Variants in NRG1 observed in about 807,000 individuals in gnomAD.
NRG1 encodes neuregulin 1.
A neutral mutation model predicts 63.8 loss-of-function variants in NRG1; 18 were observed. That is an observed-to-expected ratio of 0.28 (90% CI 0.19 to 0.42). The LOEUF (loss-of-function observed/expected upper bound fraction) is 0.42, where lower values mean the gene tolerates loss of function less well. NRG1 is among the 10% of genes least tolerant of loss of function. NRG1 has a pLI of 1.00. For missense variants in NRG1, 762 were observed against 814.7 expected, an observed-to-expected ratio of 0.94 and a Z score of 0.79; for synonymous variants, 302 against 301.3, an observed-to-expected ratio of 1.00 and a Z score of -0.02.
At chr8:32,653,220 T>C (rs1049662564) in intron 5 of NRG1, among the ~76,000 whole-genome samples, 2 of 152,146 alleles carry the variant, frequency 1.3e-5, no homozygotes, top group Non-Finnish European at 2.9e-5. Context: ...ACCGGTTATA[T>C]GACAGTGGAA....
At chr8:31,859,925 C>T (rs768725759) in intron 1 of NRG1, among the ~76,000 whole-genome samples, 2 of 152,066 alleles carry the variant, frequency 1.3e-5, no homozygotes, top group Non-Finnish European at 2.9e-5. Context: ...GAAAATAAGC[C>T]TGCTTAGTTT....
intron 1 of NRG1, among the ~76,000 whole-genome samples, chr8:32,308,605 C>T (rs1424113198): frequency 6.6e-6 from 1 of 152,156 alleles, no homozygotes; most frequent in African/African-American, 2.4e-5. Flanking sequence ...GGCTTGGTGC[C>T]TCTCTTCCAC....
At chr8:31,742,038 A>T (rs1563349010) in intron 1 of NRG1, among the ~76,000 whole-genome samples, 1 of 152,080 alleles carries the variant, frequency 6.6e-6, no homozygotes, top group African/African-American at 2.4e-5. Flanking sequence ...ATGCAGTGTT[A>T]CTCATCAATC....
At chr8:32,192,101 A>G (rs915701577) in intron 1 of NRG1, 11 of 152,334 alleles carry the variant, frequency 7.2e-5, no homozygotes, top group African/African-American at 2.7e-4. Context: ...ACCAGGCCTC[A>G]CACTGCTTAG....
chr8:32,242,557 GGTGAAGAT>G (rs1488947517), intron 1 of NRG1, among the ~76,000 whole-genome samples: 1 of 152,078 alleles, frequency 6.6e-6, no homozygotes, highest in Non-Finnish European at 1.5e-5. Context: ...AAATAGTGGC[GGTGAAGAT>G]GTGAAGGAGG....
chr8:32,572,705 T>C (rs1467516752), intron 1 of NRG1, among the ~76,000 whole-genome samples: 1 of 152,118 alleles, frequency 6.6e-6, no homozygotes. Flanking sequence ...TTATTCAGAT[T>C]CCAAGTGGTT....
At position 32,057,364 on chromosome 8, in the gene NRG1, G is replaced by A. The variant is rs550607280; in HGVS notation, c.37+417933G>A. Among the ~76,000 whole-genome samples the A allele has an allele frequency of 8.5e-5, 13 of 152,200 alleles. No homozygotes were observed. The South Asian group carries it at 1.7e-3, about 19-fold the overall frequency. On this transcript the variant is annotated intron_variant, in intron 1 of 10. Coordinates refer to the NRG1 transcript ENST00000519301. ...CCTACACTGGTGAAAGGCCTGGTGCGTTGCATTGAGTTCTGCATGTTTGAA... is the reference window on the plus strand; with the variant it reads ...CCTACACTGGTGAAAGGCCTGGTGCATTGCATTGAGTTCTGCATGTTTGAA...
At chr8:32,654,333 G>A (rs1215040587) in intron 5 of NRG1, among the ~76,000 whole-genome samples, 1 of 152,106 alleles carries the variant, frequency 6.6e-6, no homozygotes, top group Non-Finnish European at 1.5e-5. Context: ...GTCTTCTTTA[G>A]AGAAGAGAAT....
chr8:32,004,308 A>C (rs1813406470), intron 1 of NRG1, among the ~76,000 whole-genome samples: 1 of 151,922 alleles, frequency 6.6e-6, no homozygotes, highest in Non-Finnish European at 1.5e-5. Flanking sequence ...ACTATTTTGT[A>C]TGAGACTGTT....
intron 1 of NRG1, among the ~76,000 whole-genome samples, chr8:32,110,713 T>C (rs1006673921): frequency 2.0e-5 from 3 of 152,188 alleles, no homozygotes; most frequent in African/African-American, 7.2e-5. Context: ...AACTGCCCCA[T>C]CTGGGAACTG....
intron 7 of NRG1, among the ~76,000 whole-genome samples, chr8:32,773,791 T>TCC (rs1228793190): frequency 6.6e-6 from 1 of 152,142 alleles, no homozygotes; most frequent in Non-Finnish European, 1.5e-5. Flanking sequence ...CCTCCATGGC[T>TCC]CCCCACCTGA....
At chr8:32,200,094 A>G (rs577984633) in intron 1 of NRG1, among the ~76,000 whole-genome samples, 1 of 152,264 alleles carries the variant, frequency 6.6e-6, no homozygotes, top group Admixed American at 6.5e-5. Context: ...TAAACATTTA[A>G]TGGACTCACC....
At chr8:31,982,489 A>G (rs1809300679) in intron 1 of NRG1, among the ~76,000 whole-genome samples, 1 of 152,084 alleles carries the variant, frequency 6.6e-6, no homozygotes, top group Admixed American at 6.6e-5. Flanking sequence ...TGTGGATAAT[A>G]CAGTCCATGA....
chr8:32,089,956 A>C (rs1275267503), intron 1 of NRG1, among the ~76,000 whole-genome samples: 1 of 152,184 alleles, frequency 6.6e-6, no homozygotes, highest in Non-Finnish European at 1.5e-5. Flanking sequence ...TGGCTGTATA[A>C]TGTATGTGGT....
intron 1 of NRG1, among the ~76,000 whole-genome samples, chr8:32,445,160 A>G (rs1300792347): frequency 6.6e-6 from 1 of 152,204 alleles, no homozygotes; most frequent in Non-Finnish European, 1.5e-5. Flanking sequence ...TCCTGCTTAT[A>G]AAATGGCATA....
At chr8:32,405,755 C>T (rs1165352082) in intron 1 of NRG1, among the ~76,000 whole-genome samples, 21 of 152,026 alleles carry the variant, frequency 1.4e-4, no homozygotes, top group Non-Finnish European at 1.6e-4. Context: ...CTTCATAATG[C>T]CCTCTTGAAT....
chr8:32,272,290 AG>A (rs2129472523), intron 1 of NRG1, among the ~76,000 whole-genome samples: 1 of 152,250 alleles, frequency 6.6e-6, no homozygotes, highest in East Asian at 1.9e-4. Flanking sequence ...AGACAGAGTG[AG>A]CCCTGGCATC....
chr8:32,007,436 A>C (rs761739383), intron 1 of NRG1, among the ~76,000 whole-genome samples: 1 of 152,060 alleles, frequency 6.6e-6, no homozygotes, highest in South Asian at 2.1e-4. Flanking sequence ...GAATTTGAAA[A>C]GCAATATTAT....
rs1833771919 is a variant in NRG1, at chr8:31,920,054, A to T, written c.37+280623A>T. Among the ~76,000 whole-genome samples the T allele has an allele frequency of 2.6e-5, 4 of 152,290 alleles. No individual in the cohort carries two copies. In the South Asian group the frequency reaches 8.3e-4, roughly 32 times the overall value. On this transcript the variant is annotated intron_variant, in intron 1 of 10. Transcript: ENST00000519301. ...GGTTGTTATATACACAGGCCTAGTTATTATTCCCTTGAGTAAAATAGGGCT... is the reference window on the plus strand; with the variant it reads ...GGTTGTTATATACACAGGCCTAGTTTTTATTCCCTTGAGTAAAATAGGGCT...
Sources: gnomAD v4.1 joint callset for allele counts (sites outside exome capture counted in the v4.1 genomes callset) on GRCh38, gnomAD v4.1.1 for gene constraint, MANE v1.5 for transcripts, NCBI Gene and HGNC (gene_info 2026-07-23, HGNC 2026-07-21) for gene names.